DCLK3: variants seen among roughly 807,000 people sequenced by gnomAD.
DCLK3 encodes the protein serine/threonine-protein kinase DCLK3.
In DCLK3, 30 loss-of-function variants were observed where a neutral mutation model predicts 46.4. The ratio of observed to expected loss-of-function variants is 0.65; its 90% CI spans 0.48 to 0.88. The LOEUF is 0.88. Among genes scored for constraint, DCLK3 ranks in the 40% least tolerant of loss-of-function variants. The pLI, the probability that DCLK3 is intolerant of heterozygous loss-of-function variation, is 0.00. For missense variants in DCLK3, 846 were observed against 907.1 expected (o/e 0.93, Z 0.87); for synonymous variants, 401 against 339.2 (o/e 1.18, Z -2.00).
intron 1 of DCLK3, among the ~76,000 whole-genome samples, chr3:36,758,505 G>A (rs1397076212): frequency 6.6e-6 from 1 of 152,142 alleles, no homozygotes; most frequent in African/African-American, 2.4e-5. Context: ...AAATAGCTTA[G>A]GCCCTTTGTT....
At chr3:36,723,216 G>A (rs975620230) in intron 2 of DCLK3, among the ~76,000 whole-genome samples, 8 of 152,208 alleles carry the variant, frequency 5.3e-5, no homozygotes, top group African/African-American at 1.9e-4. Context: ...ACTTGAGAGA[G>A]ATGATTTAGG....
Position 36,764,397 on chromosome 3 carries a change from C to CCCTCCCG in DCLK3, c.-141_-135dup, listed in dbSNP as rs1320263916. On this transcript the variant is annotated 5_prime_UTR_variant, in exon 1 of 5. Transcript: ENST00000636136. The surrounding 1 kb of genome is among the most constrained non-coding windows in gnomAD (Gnocchi z 4.9). ...CCCGCGCCGACTCTCCCTCTTCTCT[C>CCCTCCCG]CCTCCCGCCGCCCGCCGCCCGCCTG... 5.8e-6 allele frequency: 1 copy of CCCTCCCG among 171,582 alleles called. No homozygotes were observed. The highest frequency in any genetic ancestry group is 1.2e-5 in the Non-Finnish European group (1 of 81,292). The allele number at this position is 171,582 out of a possible 1,614,324, so 10.6% of individuals were successfully genotyped here. A position where few individuals can be genotyped will look rare whatever the true frequency, so the allele number is the denominator to read the frequency against.
chr3:36,721,511 G>T lies in DCLK3; in HGVS notation c.2092+16C>A, dbSNP rs762206522. The T allele has an allele frequency of 1.2e-6, 2 of 1,612,512 alleles. No homozygotes were observed. The highest frequency in any genetic ancestry group is 2.2e-5 in the South Asian group (2 of 90,500). On this transcript the variant is annotated intron_variant, in intron 3 of 4. Coordinates refer to ENST00000636136, the MANE Select transcript of DCLK3 (RefSeq NM_001394672.2). Reference sequence around the variant, plus strand: ...TAAGGGAACTAGAGTCCCACAGATCGATGTGTAACACTTACCTTTCTCAGA... The same window carrying T: ...TAAGGGAACTAGAGTCCCACAGATCTATGTGTAACACTTACCTTTCTCAGA...
rs186691059 is a variant in DCLK3 at position 36,752,849 on chromosome 3, C to T, written c.82+11333G>A. Among the ~76,000 whole-genome samples, 456 of 152,310 alleles carry T rather than the reference C, an allele frequency of 3.0e-3. 2 individuals carry two copies. Among genetic ancestry groups the T allele is most frequent in the Middle Eastern group, 0.024 (7 of 294 alleles). On this transcript the variant is annotated intron_variant, in intron 1 of 4. Coordinates refer to ENST00000636136, the MANE Select transcript of DCLK3 (RefSeq NM_001394672.2). The stretch of plus-strand genomic sequence containing the variant: ...TAATACCATAACCACTAGACACATA[C>T]GGCTATTTTCCATTTAAATTTAAAT...
In DCLK3 at chr3:36,738,021, C is replaced by T; in HGVS notation, c.1146G>A (p.Glu382=). ...CCATGCTCTTGCTGGGTCTCCTCAGCTCTTGAGTGGGATTCCTGGGGCTGC... is the reference window on the plus strand; with the variant it reads ...CCATGCTCTTGCTGGGTCTCCTCAGTTCTTGAGTGGGATTCCTGGGGCTGC... ...HRSSPRNPTQ[E]LRRPSKSMDK... The change falls in exon 2 of 5, where the codon GAG becomes GAA. Residue 382 remains glutamate, a synonymous_variant. Coordinates refer to ENST00000636136, the MANE Select transcript of DCLK3 (RefSeq NM_001394672.2). 4 of 1,614,146 alleles carry T rather than the reference C, an allele frequency of 2.5e-6. No homozygotes were observed. The highest frequency in any genetic ancestry group is 3.4e-6 in the Non-Finnish European group (4 of 1,180,024).
At chr3:36,758,541 A>C (rs1701509155) in intron 1 of DCLK3, among the ~76,000 whole-genome samples, 2 of 152,212 alleles carry the variant, frequency 1.3e-5, no homozygotes, top group Non-Finnish European at 2.9e-5. Flanking sequence ...CACTGTGTGA[A>C]GACACAAGGT....
chr3:36,751,087 C>A (rs868140686), intron 1 of DCLK3, among the ~76,000 whole-genome samples: 159 of 51,814 alleles, frequency 3.1e-3, no homozygotes, highest in South Asian at 4.8e-3. Context: ...AAAAAAAAAA[C>A]TCCCCGAAGT....
At chr3:36,761,080 G>A (rs1701535566) in intron 1 of DCLK3, among the ~76,000 whole-genome samples, 1 of 152,124 alleles carries the variant, frequency 6.6e-6, no homozygotes, top group African/African-American at 2.4e-5. Flanking sequence ...TTCAAAACCA[G>A]CCCAAGCAGC....
chr3:36,747,940 T>C (rs1701406819), intron 1 of DCLK3, among the ~76,000 whole-genome samples: 1 of 152,194 alleles, frequency 6.6e-6, no homozygotes. Context: ...TGAAATGCAC[T>C]GCCATAGAAT....
intron 2 of DCLK3, among the ~76,000 whole-genome samples, chr3:36,736,626 T>G (rs1701266309): frequency 6.6e-6 from 1 of 152,136 alleles, no homozygotes; most frequent in African/African-American, 2.4e-5. Context: ...CCATCTCTCT[T>G]TTACAAAATG....
intron 2 of DCLK3, among the ~76,000 whole-genome samples, chr3:36,725,917 C>G (rs535394863): frequency 1.3e-5 from 2 of 152,308 alleles, no homozygotes; most frequent in Admixed American, 1.3e-4. Context: ...AAGTGACTGG[C>G]TTTCTCATCT....
chr3:36,750,566 A>C (rs1372414832), intron 1 of DCLK3, among the ~76,000 whole-genome samples: 1 of 152,238 alleles, frequency 6.6e-6, no homozygotes, highest in Non-Finnish European at 1.5e-5. Context: ...GCTTGTGTTG[A>C]AATATGCATC....
At chr3:36,717,024 A>G (rs1281431066) in intron 4 of DCLK3, among the ~76,000 whole-genome samples, 1 of 152,252 alleles carries the variant, frequency 6.6e-6, no homozygotes, top group Non-Finnish European at 1.5e-5. Context: ...CCAGTGAGGA[A>G]ATAGAGGCTA....
At chr3:36,733,129 A>G (rs1321109136) in intron 2 of DCLK3, among the ~76,000 whole-genome samples, 1 of 152,102 alleles carries the variant, frequency 6.6e-6, no homozygotes, top group Non-Finnish European at 1.5e-5. Context: ...AGAGGGTACA[A>G]CCTTTGTCCT....
intron 1 of DCLK3, among the ~76,000 whole-genome samples, chr3:36,758,567 T>G (rs1250989380): frequency 6.6e-6 from 1 of 151,996 alleles, no homozygotes; most frequent in Non-Finnish European, 1.5e-5. Context: ...CCCTTTGGAG[T>G]GTGTAGCAAC....
chr3:36,712,641 T>A lies in DCLK3; in HGVS notation c.*2687A>T, dbSNP rs1284728398. 1.3e-5 allele frequency: 2 copies of A among 152,194 alleles called. No individual in the cohort carries two copies. Among genetic ancestry groups the A allele is most frequent in the Non-Finnish European group, 2.9e-5 (2 of 68,022 alleles). 9.4% of individuals were successfully genotyped at this position (152,194 alleles called of 1,614,324 possible). ...CATCTCCAGCAAACCCCCTGATCAC[T>A]TTCTGTCACTATAGATTCACTTGTA... On this transcript the variant is annotated 3_prime_UTR_variant, in exon 5 of 5. Coordinates refer to ENST00000636136, the MANE Select transcript of DCLK3 (RefSeq NM_001394672.2).
chr3:36,729,523 T>C (rs1380793410), intron 2 of DCLK3, among the ~76,000 whole-genome samples: 1 of 152,240 alleles, frequency 6.6e-6, no homozygotes, highest in East Asian at 1.9e-4. Flanking sequence ...TACGTAGGCA[T>C]TCAGATAGCA....
At position 36,715,392 on chromosome 3, in the gene DCLK3, A is replaced by T. The variant is rs1432457451; in HGVS notation, c.2390T>A (p.Val797Glu). Reference protein sequence around the residue: ...KTNTVKRQKQVSPSSEGHFRS... With the variant: ...KTNTVKRQKQESPSSEGHFRS... ...GAAGTGACCCTCGCTGCTGGGGGAC[A>T]CCTGCTTCTGTCGTTTCACTGTATT... Residue 797 changes from valine (V) to glutamate (E), a missense_variant, in exon 5 of 5, where the codon GTG becomes GAG. Coordinates refer to ENST00000636136, the MANE Select transcript of DCLK3 (RefSeq NM_001394672.2). The T allele has an allele frequency of 2.5e-6, 4 of 1,613,990 alleles. No individual in the cohort carries two copies. Among genetic ancestry groups the T allele is most frequent in the Non-Finnish European group, 3.4e-6 (4 of 1,180,004 alleles).
intron 1 of DCLK3, among the ~76,000 whole-genome samples, chr3:36,761,401 T>C (rs1257876864): frequency 6.6e-6 from 1 of 152,192 alleles, no homozygotes; most frequent in East Asian, 1.9e-4. Flanking sequence ...TTCAGAACTC[T>C]GAGGATGGAG....
Sources: gnomAD v4.1 joint callset for allele counts (sites outside exome capture counted in the v4.1 genomes callset) on GRCh38, gnomAD v4.1.1 for gene constraint, Gnocchi (gnomAD v3.1) non-coding constraint, MANE v1.5 for transcripts, NCBI Gene and HGNC (gene_info 2026-07-23, HGNC 2026-07-21) for gene names.